SLC17A9: variants seen among roughly 807,000 people sequenced by gnomAD.
The protein encoded by SLC17A9 is voltage-gated purine nucleotide uniporter SLC17A9.
In SLC17A9, 49 loss-of-function variants were observed where a neutral mutation model predicts 55.0. That is an observed-to-expected ratio of 0.89 (90% CI 0.71 to 1.13). The LOEUF (loss-of-function observed/expected upper bound fraction) is 1.13. Among genes scored for constraint, SLC17A9 ranks in the 50% most tolerant of loss-of-function variants. The pLI is 0.00. For missense variants in SLC17A9, 526 were observed against 569.3 expected (o/e 0.92, Z 0.77); for synonymous variants, 256 against 247.4 (o/e 1.03, Z -0.32).
chr20:62,952,760 T>TGG lies in SLC17A9; in HGVS notation c.-69_-68dup. The TGG allele has an allele frequency of 1.4e-6, 2 of 1,476,644 alleles. No individual in the cohort carries two copies. Among genetic ancestry groups the TGG allele is most frequent in the Non-Finnish European group, 1.8e-6 (2 of 1,102,356 alleles). 91.5% of individuals were successfully genotyped at this position (1,476,644 alleles called of 1,614,324 possible). On this transcript the variant is annotated 5_prime_UTR_variant, in exon 1 of 13. Transcript: ENST00000370351. ...GTGGACTTGGGCGGTGCTGCCCGGG[T>TGG]GGGTCAGCCTGGGCTGGGAGGCAGC...
chr20:62,963,105 T>G, intron 5 of SLC17A9, 168 bp from the exon 6 acceptor site: 1 of 715,420 alleles, frequency 1.4e-6, no homozygotes, highest in Non-Finnish European at 2.4e-6. Flanking sequence ...ATGCTGCCTG[T>G]TAGGTGTCTG....
rs200256067 is a variant in SLC17A9 at position 62,962,669 on chromosome 20, C to T, written c.543C>T (p.Tyr181=). 17 of 1,613,996 alleles carry T rather than the reference C, an allele frequency of 1.1e-5. No homozygotes were observed. The highest frequency in any genetic ancestry group is 4.5e-5 in the East Asian group (2 of 44,870). Residue 181 remains tyrosine, a synonymous_variant, in exon 5 of 13, where the codon TAC becomes TAT. Coordinates refer to ENST00000370351, the MANE Select transcript of SLC17A9 (RefSeq NM_022082.4). This position sits in a 1 kb window ranked among gnomAD's most constrained non-coding sequence, Gnocchi z 5.5. The part of the protein sequence containing the change: ...GAVGSLLLEW[Y]GWQSIFYFSG... Reference sequence around the variant, plus strand: ...TGGGCTCCCTGCTCCTGGAATGGTACGGCTGGCAGAGCATCTTCTATTTCT... The same window carrying T: ...TGGGCTCCCTGCTCCTGGAATGGTATGGCTGGCAGAGCATCTTCTATTTCT...
intron 10 of SLC17A9, 96 bp downstream of exon 10, chr20:62,965,821 C>T (rs1427754282): frequency 8.6e-7 from 1 of 1,159,008 alleles, no homozygotes; most frequent in Admixed American, 1.9e-5. Flanking sequence ...CTCTCTCAGT[C>T]TCTTCCTCAC....
intron 1 of SLC17A9, chr20:62,953,299 G>T: frequency 1.9e-6 from 3 of 1,545,050 alleles, no homozygotes; most frequent in Non-Finnish European, 2.6e-6. Context: ...GGAGCCTGCA[G>T]CTGGACGGGG....
intron 1 of SLC17A9, 131 bp downstream of exon 1, chr20:62,953,020 G>C: frequency 8.2e-7 from 1 of 1,226,868 alleles, no homozygotes; most frequent in Non-Finnish European, 1.1e-6. Context: ...CTGGCTGTGG[G>C]GCCCCCTGTG....
chr20:62,961,903 C>A (rs905763244), intron 4 of SLC17A9, among the ~76,000 whole-genome samples: 1 of 152,146 alleles, frequency 6.6e-6, no homozygotes, highest in African/African-American at 2.4e-5. Context: ...AGTCTTGCTA[C>A]CCCAGGAGCT....
chr20:62,965,109 C>A (rs373950147), intron 8 of SLC17A9, 23 bp from the exon 9 acceptor site: 9 of 1,613,790 alleles, frequency 5.6e-6, no homozygotes, highest in South Asian at 2.2e-5. Context: ...AACGGGAGCC[C>A]CTTCCTTGGC....
At chr20:62,953,882 A>T (rs544339458) in intron 1 of SLC17A9, among the ~76,000 whole-genome samples, 2 of 152,340 alleles carry the variant, frequency 1.3e-5, no homozygotes, top group South Asian at 4.1e-4. Flanking sequence ...GTCAGGCGCC[A>T]ATTAGAGGGG....
At position 62,962,800 on chromosome 20, in the gene SLC17A9, A is replaced by C; in HGVS notation, c.628+46A>C. ...TAGTCCCGGGCGCCCACAGCTGCCC[A>C]GTGCCTCCTCCCCTGGTGGCAGCCG... On this transcript the variant is annotated intron_variant, in intron 5 of 12. Transcript: ENST00000370351. This position sits in a 1 kb window ranked among gnomAD's most constrained non-coding sequence, Gnocchi z 5.5. 1 of 1,605,838 alleles carries C rather than the reference A, an allele frequency of 6.2e-7. No homozygotes were observed. Among genetic ancestry groups the C allele is most frequent in the Non-Finnish European group, 8.5e-7 (1 of 1,175,282 alleles).
At position 62,962,754 on chromosome 20, in the gene SLC17A9, G is replaced by A; in HGVS notation, c.628G>A (p.Asp210Asn). 1.2e-6 allele frequency: 2 copies of A among 1,613,656 alleles called. No individual in the cohort carries two copies. ...YVYRYLLSEKDLILALGVLAQ... is the reference protein window; with the variant it reads ...YVYRYLLSEKNLILALGVLAQ... ...GTACAGGTACCTGCTGAGTGAAAAA[G>A]GTAACGCAGGCCGGGCGGGCTAGTC... Residue 210 changes from aspartate to asparagine, a missense_variant and splice_region_variant, in exon 5 of 13, where the codon GAT becomes AAT. Transcript: ENST00000370351. This position sits in a 1 kb window ranked among gnomAD's most constrained non-coding sequence, Gnocchi z 5.5.
chr20:62,955,588 A>G (rs1187624569), intron 1 of SLC17A9, among the ~76,000 whole-genome samples: 6 of 152,236 alleles, frequency 3.9e-5, no homozygotes, highest in Admixed American at 6.5e-5. Flanking sequence ...CTAGGATTAC[A>G]GGCATAAGCC....
chr20:62,965,519 G>T, intron 9 of SLC17A9, 91 bp from the exon 10 acceptor site: 2 of 1,228,296 alleles, frequency 1.6e-6, no homozygotes, highest in Non-Finnish European at 2.4e-6. Flanking sequence ...TGTGCGGTGC[G>T]CCCAGGGGGG....
intron 10 of SLC17A9, 62 bp downstream of exon 10, chr20:62,965,787 A>G (rs1047141832): frequency 1.2e-5 from 18 of 1,471,522 alleles, no homozygotes; most frequent in Non-Finnish European, 1.6e-5. Context: ...AGGCCCGCAC[A>G]TGTGAAGAGG....
intron 1 of SLC17A9, among the ~76,000 whole-genome samples, chr20:62,954,319 C>T (rs987051300): frequency 8.5e-5 from 13 of 152,218 alleles, no homozygotes; most frequent in African/African-American, 2.7e-4. Flanking sequence ...CTGGGCCAGG[C>T]GAGAACAGAG....
At position 62,952,743 on chromosome 20, in the gene SLC17A9, G is replaced by A; in HGVS notation, c.-88G>A. ...CGCGCTGGGACTGACACGTGGACTTGGGCGGTGCTGCCCGGGTGGGTCAGC... is the reference window on the plus strand; with the variant it reads ...CGCGCTGGGACTGACACGTGGACTTAGGCGGTGCTGCCCGGGTGGGTCAGC... On this transcript the variant is annotated 5_prime_UTR_variant, in exon 1 of 13. Transcript: ENST00000370351. 7.4e-7 allele frequency: 1 copy of A among 1,356,838 alleles called. No homozygotes were observed. The highest frequency in any genetic ancestry group is 9.9e-7 in the Non-Finnish European group (1 of 1,010,720). 84.0% of individuals were successfully genotyped at this position (1,356,838 alleles called of 1,614,324 possible).
chr20:62,964,173 C>A, intron 7 of SLC17A9, 55 bp from the exon 8 acceptor site: 1 of 1,577,154 alleles, frequency 6.3e-7, no homozygotes, highest in South Asian at 1.1e-5. Context: ...GTATCCTCTT[C>A]CAGATGGCCA....
intron 7 of SLC17A9, 67 bp from the exon 8 acceptor site, chr20:62,964,161 G>A (rs545588924): frequency 6.5e-7 from 1 of 1,531,940 alleles, no homozygotes; most frequent in Non-Finnish European, 9.0e-7. Context: ...TGTCCAGCCT[G>A]AGTATCCTCT....
chr20:62,963,425 G>T, intron 6 of SLC17A9, 56 bp downstream of exon 6: 1 of 1,578,270 alleles, frequency 6.3e-7, no homozygotes. Flanking sequence ...TGACCATGGG[G>T]GTGTGAACCT....
intron 4 of SLC17A9, among the ~76,000 whole-genome samples, chr20:62,961,982 C>G (rs1249701439): frequency 2.0e-5 from 3 of 152,176 alleles, no homozygotes; most frequent in Non-Finnish European, 4.4e-5. Flanking sequence ...CGCTTTGGGG[C>G]TCTCTCTCTT....
Sources: allele counts gnomAD v4.1 joint callset (sites outside exome capture counted in the v4.1 genomes callset), GRCh38; gene constraint gnomAD v4.1.1; non-coding constraint Gnocchi (gnomAD v3.1); transcripts MANE v1.5; gene names NCBI Gene and HGNC (gene_info 2026-07-23, HGNC 2026-07-21).